ELFN2: variants seen among roughly 807,000 people sequenced by gnomAD.
ELFN2 encodes the protein extracellular leucine rich repeat and fibronectin type III domain containing 2.
A neutral mutation model predicts 45.5 loss-of-function variants in ELFN2; 17 were observed. That is an observed-to-expected ratio of 0.37 (90% CI 0.26 to 0.56). ELFN2 has a LOEUF of 0.56. Among genes scored for constraint, ELFN2 ranks in the 20% least tolerant of loss-of-function variants. The probability of loss-of-function intolerance (pLI) is 0.77; values close to 1 mark genes in which losing one functional copy is unlikely to be tolerated. For synonymous variants in ELFN2, 550 were observed against 551.5 expected, an observed-to-expected ratio of 1.00 and a Z score of 0.04; for missense variants, 922 against 1,183.2, an observed-to-expected ratio of 0.78 and a Z score of 3.24.
At chr22:37,377,869 C>T (rs1931626683) in intron 2 of ELFN2, among the ~76,000 whole-genome samples, 2 of 152,212 alleles carry the variant, frequency 1.3e-5, no homozygotes, top group Non-Finnish European at 2.9e-5. Context: ...CCCCGTCCAG[C>T]ACGGCCACTG....
intron 1 of ELFN2, among the ~76,000 whole-genome samples, chr22:37,426,417 G>A (rs1932850195): frequency 6.6e-6 from 1 of 151,156 alleles, no homozygotes; most frequent in Non-Finnish European, 1.5e-5. Flanking sequence ...ATCCTGCCAG[G>A]CCACTGACAG....
At chr22:37,426,510 C>T (rs565770177) in intron 1 of ELFN2, among the ~76,000 whole-genome samples, 27 of 151,994 alleles carry the variant, frequency 1.8e-4, no homozygotes, top group African/African-American at 6.3e-4. Flanking sequence ...ACCACACACA[C>T]ACAGCACGCA....
At chr22:37,415,879 C>T (rs550641225) in intron 2 of ELFN2, among the ~76,000 whole-genome samples, 6 of 152,356 alleles carry the variant, frequency 3.9e-5, no homozygotes, top group African/African-American at 1.2e-4. Context: ...AGGAGAATCG[C>T]TTGAACCCGG....
intron 2 of ELFN2, among the ~76,000 whole-genome samples, chr22:37,396,301 G>A (rs578167182): frequency 5.8e-4 from 89 of 152,352 alleles, no homozygotes; most frequent in Non-Finnish European, 8.8e-4. Context: ...AGGTGCTTCT[G>A]TATTGCACAC....
chr22:37,362,236 C>T (rs1309694934), intron 1 of ELFN2, among the ~76,000 whole-genome samples: 2 of 152,210 alleles, frequency 1.3e-5, no homozygotes, highest in Non-Finnish European at 2.9e-5. Context: ...CACATATATG[C>T]CCTGTGGCAG....
intron 2 of ELFN2, among the ~76,000 whole-genome samples, chr22:37,396,945 T>A (rs1932228501): frequency 6.6e-6 from 1 of 152,160 alleles, no homozygotes; most frequent in Admixed American, 6.5e-5. Flanking sequence ...GATCTCCTTT[T>A]TTTCCAGGCA....
Position 37,373,315 on chromosome 22 carries a change from G to A in ELFN2, c.2220C>T (p.Asp740=). ...TGGGGGAGAGCTGCGAGTAGGTGGAGTCACGCTTGGAGCGGGTCAGCGGCT... is the reference window on the plus strand; with the variant it reads ...TGGGGGAGAGCTGCGAGTAGGTGGAATCACGCTTGGAGCGGGTCAGCGGCT... ...FLKPLTRSKR[D]STYSQLSPRH... is the part of the protein sequence containing the mutation. Residue 740 remains aspartate (D), a synonymous_variant, in exon 3 of 3, where the codon GAC becomes GAT. Transcript: ENST00000402918. 1 of 1,613,770 alleles carries A rather than the reference G, an allele frequency of 6.2e-7. No individual in the cohort carries two copies. The highest frequency in any genetic ancestry group is 1.1e-5 in the South Asian group (1 of 91,088).
intron 1 of ELFN2, among the ~76,000 whole-genome samples, chr22:37,361,553 C>G (rs895759882): frequency 6.6e-6 from 1 of 152,102 alleles, no homozygotes; most frequent in African/African-American, 2.4e-5. Context: ...AAAACCACTT[C>G]CTCTCCCTTT....
intron 2 of ELFN2, chr22:37,342,572 G>A (rs931580905): frequency 1.3e-5 from 2 of 151,932 alleles, no homozygotes; most frequent in Non-Finnish European, 1.5e-5. Context: ...CCACTCCTGG[G>A]TCCCACTGCT....
intron 2 of ELFN2, among the ~76,000 whole-genome samples, chr22:37,406,302 G>A (rs977380538): frequency 3.3e-5 from 5 of 152,206 alleles, no homozygotes; most frequent in African/African-American, 7.2e-5. Context: ...TCGGTGATTG[G>A]ATATGAAGAC....
intron 2 of ELFN2, among the ~76,000 whole-genome samples, chr22:37,378,023 G>A (rs1320869971): frequency 2.0e-5 from 3 of 152,174 alleles, no homozygotes; most frequent in Non-Finnish European, 4.4e-5. Flanking sequence ...GAGAACCCTC[G>A]TCTGCTCCAA....
At position 37,395,270 on chromosome 22, in the gene ELFN2, T is replaced by C. The variant is rs532507181; in HGVS notation, c.-462-19274A>G. On this transcript the variant is annotated intron_variant, in intron 2 of 2. Transcript: ENST00000402918. ...CAAACCTGGCTCTGCCTGTGCCTGG[T>C]TCCAGCACCAGAAGAAACGTCCTAG... Among the ~76,000 whole-genome samples the C allele has an allele frequency of 7.2e-5, 11 of 152,108 alleles. No individual in the cohort carries two copies. The South Asian group carries it at 2.3e-3, about 32-fold the overall frequency.
intron 1 of ELFN2, among the ~76,000 whole-genome samples, chr22:37,348,185 G>A (rs4821634): frequency 0.39 from 59,026 of 151,882 alleles, 11,636 homozygotes; most frequent in Non-Finnish European, 0.42. Flanking sequence ...TCACAGACAC[G>A]TGCGCTCATG....
chr22:37,415,185 GTCC>G (rs5845338), intron 2 of ELFN2, among the ~76,000 whole-genome samples: 31,927 of 152,030 alleles, frequency 0.21, 4,989 homozygotes, highest in African/African-American at 0.44. Flanking sequence ...ATCACTCTCA[GTCC>G]TCCCTTGCCT....
At chr22:37,416,169 G>A (rs1272769028) in intron 2 of ELFN2, among the ~76,000 whole-genome samples, 4 of 152,198 alleles carry the variant, frequency 2.6e-5, no homozygotes, top group African/African-American at 7.2e-5. Context: ...AGAACTCGCT[G>A]CTCTCCTGTG....
intron 2 of ELFN2, among the ~76,000 whole-genome samples, chr22:37,394,512 C>A (rs2145662974): frequency 6.6e-6 from 1 of 152,344 alleles, no homozygotes; most frequent in African/African-American, 2.4e-5. Flanking sequence ...CTCACCTCTC[C>A]CAGGATGACT....
rs980363807 is a variant in ELFN2, at chr22:37,401,905, T to C, written c.-463+15864A>G. Reference sequence around the variant, plus strand: ...TGGCGACAAGGGAAAAGCTTGTCTTTTCCGTCTTCCATCTTTCCCTGCCTG... The same window carrying C: ...TGGCGACAAGGGAAAAGCTTGTCTTCTCCGTCTTCCATCTTTCCCTGCCTG... On this transcript the variant is annotated intron_variant, in intron 2 of 2. Coordinates refer to ENST00000402918, the MANE Select transcript of ELFN2 (RefSeq NM_052906.5). Among the ~76,000 whole-genome samples the C allele has an allele frequency of 3.9e-5, 6 of 152,230 alleles. No individual in the cohort carries two copies. In the South Asian group the frequency reaches 1.2e-3, roughly 31 times the overall value.
intron 1 of ELFN2, among the ~76,000 whole-genome samples, chr22:37,420,812 C>A (rs1472537271): frequency 6.6e-6 from 1 of 152,168 alleles, no homozygotes; most frequent in African/African-American, 2.4e-5. Flanking sequence ...GTTTTGGCCC[C>A]TGACTTGCTG....
At chr22:37,401,072 A>G (rs970871718) in intron 2 of ELFN2, among the ~76,000 whole-genome samples, 7 of 152,216 alleles carry the variant, frequency 4.6e-5, no homozygotes, top group African/African-American at 1.7e-4. Flanking sequence ...TCAGTCAAAC[A>G]GGGTACCAGG....
Sources: allele counts gnomAD v4.1 joint callset (sites outside exome capture counted in the v4.1 genomes callset), GRCh38; gene constraint gnomAD v4.1.1; transcripts MANE v1.5; gene names NCBI Gene and HGNC (gene_info 2026-07-23, HGNC 2026-07-21).